The following PPP1R12B variants were observed in gnomAD, a reference collection of about 807,000 sequenced individuals.
PPP1R12B encodes protein phosphatase 1 regulatory subunit 12B, also known as myosin phosphatase target subunit 2.
PPP1R12B carries 76 observed loss-of-function variants against 126.1 expected under a neutral mutation model. The ratio of observed to expected loss-of-function variants is 0.60; its 90% CI spans 0.50 to 0.73. The LOEUF is 0.73. Among genes scored for constraint, PPP1R12B ranks in the 30% least tolerant of loss-of-function variants. The probability of loss-of-function intolerance (pLI) is 0.00; values close to 1 mark genes in which losing one functional copy is unlikely to be tolerated. For synonymous variants in PPP1R12B, 356 were observed against 434.7 expected (o/e 0.82, Z 2.25); for missense variants, 1,052 against 1,205.1 (o/e 0.87, Z 1.88).
At chr1:202,371,899 T>C (rs1277227589) in intron 1 of PPP1R12B, among the ~76,000 whole-genome samples, 1 of 143,310 alleles carries the variant, frequency 7.0e-6, no homozygotes, top group Non-Finnish European at 1.5e-5. Context: ...AGTATCGCTC[T>C]GTTGCCCTCT....
chr1:202,433,400 A>G (rs1670421257), intron 8 of PPP1R12B, among the ~76,000 whole-genome samples: 1 of 152,088 alleles, frequency 6.6e-6, no homozygotes, highest in East Asian at 1.9e-4. Flanking sequence ...TGGCATAAAC[A>G]CCCACAGTAC....
At chr1:202,452,419 G>C (rs1448885136) in intron 13 of PPP1R12B, among the ~76,000 whole-genome samples, 1 of 152,226 alleles carries the variant, frequency 6.6e-6, no homozygotes, top group Admixed American at 6.5e-5. Context: ...GCGTGGCGGC[G>C]TGCGCCTGCA....
intron 13 of PPP1R12B, among the ~76,000 whole-genome samples, chr1:202,457,072 C>T (rs182966661): frequency 3.9e-5 from 6 of 152,190 alleles, no homozygotes; most frequent in Admixed American, 2.0e-4. Flanking sequence ...GATAGACACA[C>T]GTATAGGAAC....
intron 2 of PPP1R12B, among the ~76,000 whole-genome samples, chr1:202,418,951 C>G (rs150815655): frequency 1.1e-3 from 168 of 152,210 alleles, no homozygotes; most frequent in African/African-American, 3.8e-3. Flanking sequence ...ACTTTATGCT[C>G]TTATTCCCAG....
intron 1 of PPP1R12B, among the ~76,000 whole-genome samples, chr1:202,361,083 C>T (rs1024588316): frequency 3.3e-5 from 5 of 151,842 alleles, no homozygotes; most frequent in African/African-American, 9.7e-5. Context: ...TTAGTAGAGA[C>T]GAGGTTTCAC....
chr1:202,562,933 T>C lies in PPP1R12B; in HGVS notation c.2652+11T>C, dbSNP rs773319257. The C allele has an allele frequency of 1.3e-6, 2 of 1,547,920 alleles. No homozygotes were observed. The highest frequency in any genetic ancestry group is 1.7e-6 in the Non-Finnish European group (2 of 1,151,138). ...AGAGATTATAAAAAAGTAGGGTCTT[T>C]ATTCAATTTTCCGGTTCTTTGGTGA... On this transcript the variant is annotated intron_variant, in intron 20 of 23. Transcript: ENST00000608999.
Position 202,567,760 on chromosome 1 carries a change from T to A in PPP1R12B, c.2758-18T>A, listed in dbSNP as rs1466330525. 6.2e-7 allele frequency: 1 copy of A among 1,613,606 alleles called. No individual in the cohort carries two copies. Among genetic ancestry groups the A allele is most frequent in the African/African-American group, 1.3e-5 (1 of 74,922 alleles). On this transcript the variant is annotated intron_variant, in intron 21 of 23. Coordinates refer to ENST00000608999, the MANE Select transcript of PPP1R12B (RefSeq NM_002481.4). ...TAGACAACTTAAATAACAACTGTTT[T>A]CCTTCCATTTGCACCAGCAGAAACA...
At chr1:202,446,344 C>G (rs998100706) in intron 12 of PPP1R12B, among the ~76,000 whole-genome samples, 13 of 144,998 alleles carry the variant, frequency 9.0e-5, no homozygotes, top group Non-Finnish European at 1.5e-5. Flanking sequence ...ACCTTCACCT[C>G]CCGGGCTCGA....
chr1:202,520,112 G>A (rs2148913264), intron 18 of PPP1R12B, among the ~76,000 whole-genome samples: 1 of 152,278 alleles, frequency 6.6e-6, no homozygotes, highest in South Asian at 2.1e-4. Flanking sequence ...GAAGAATGGA[G>A]GACTCAGCCT....
At chr1:202,446,035 G>A (rs926892574) in intron 12 of PPP1R12B, among the ~76,000 whole-genome samples, 10 of 151,616 alleles carry the variant, frequency 6.6e-5, no homozygotes, top group Admixed American at 1.3e-4. Flanking sequence ...TAAAATAAGC[G>A]GTAATCATTA....
intron 10 of PPP1R12B, chr1:202,439,866 A>G (rs577812261): frequency 3.4e-4 from 113 of 328,286 alleles, no homozygotes; most frequent in African/African-American, 2.0e-3. Context: ...AGGTTTGGGG[A>G]CAGCCCCTCC....
chr1:202,562,626 C>T (rs916923338), intron 19 of PPP1R12B, 152 bp from the exon 20 acceptor site: 1 of 915,744 alleles, frequency 1.1e-6, no homozygotes, highest in Non-Finnish European at 1.8e-6. Flanking sequence ...GGAACGCTGG[C>T]AGAGAGATTG....
intron 13 of PPP1R12B, chr1:202,462,743 G>C (rs1266047829): frequency 2.0e-6 from 2 of 976,392 alleles, no homozygotes; most frequent in East Asian, 1.1e-4. Flanking sequence ...GAAAAGGACA[G>C]TTGCTGGTAC....
intron 1 of PPP1R12B, among the ~76,000 whole-genome samples, chr1:202,380,700 CT>C (rs1351653579): frequency 6.6e-6 from 1 of 152,144 alleles, no homozygotes; most frequent in Non-Finnish European, 1.5e-5. Flanking sequence ...CTTTTCCTGA[CT>C]TTTCTGGTAA....
chr1:202,465,034 G>A (rs1330841557), intron 13 of PPP1R12B, among the ~76,000 whole-genome samples: 2 of 152,186 alleles, frequency 1.3e-5, no homozygotes, highest in Non-Finnish European at 2.9e-5. Context: ...TTTAAATGCT[G>A]TAAGAGAATT....
chr1:202,490,202 A>T (rs1016961800), intron 14 of PPP1R12B, among the ~76,000 whole-genome samples: 5 of 152,252 alleles, frequency 3.3e-5, no homozygotes, highest in Admixed American at 2.6e-4. Context: ...ATCAGAAAAT[A>T]GTAGCAGCAT....
At chr1:202,504,504 A>G (rs1680603907) in intron 18 of PPP1R12B, among the ~76,000 whole-genome samples, 1 of 152,230 alleles carries the variant, frequency 6.6e-6, no homozygotes, top group Non-Finnish European at 1.5e-5. Context: ...AATGACAGTT[A>G]CAGACTAAAT....
intron 1 of PPP1R12B, among the ~76,000 whole-genome samples, chr1:202,392,575 G>T (rs541468475): frequency 5.3e-5 from 8 of 150,934 alleles, no homozygotes; most frequent in African/African-American, 1.9e-4. Flanking sequence ...AGGCTGGAGT[G>T]CAGTGGCGCA....
At chr1:202,512,263 AC>A (rs1558318372) in intron 18 of PPP1R12B, among the ~76,000 whole-genome samples, 2 of 152,220 alleles carry the variant, frequency 1.3e-5, no homozygotes, top group Non-Finnish European at 1.5e-5. Context: ...ATACACACAT[AC>A]CCCTTTATAC....
Sources: gnomAD v4.1 joint callset for allele counts (sites outside exome capture counted in the v4.1 genomes callset) on GRCh38, gnomAD v4.1.1 for gene constraint, MANE v1.5 for transcripts, NCBI Gene and HGNC (gene_info 2026-07-23, HGNC 2026-07-21) for gene names.